Variants in TRIP12 observed in about 807,000 individuals in gnomAD.
TRIP12 encodes the protein E3 ubiquitin-protein ligase TRIP12.
In TRIP12, 25 loss-of-function variants were observed where a neutral mutation model predicts 244.2. The observed-to-expected ratio is 0.10, with a 90% CI of 0.07 to 0.14. The LOEUF (loss-of-function observed/expected upper bound fraction) is 0.14. TRIP12 is among the 10% of genes least tolerant of loss of function. The pLI, the probability that TRIP12 is intolerant of heterozygous loss-of-function variation, is 1.00. For synonymous variants in TRIP12, 905 were observed against 873.1 expected, an observed-to-expected ratio of 1.04 and a Z score of -0.64; for missense variants, 1,677 against 2,486.4, an observed-to-expected ratio of 0.67 and a Z score of 6.92.
intron 5 of TRIP12, among the ~76,000 whole-genome samples, chr2:229,839,298 T>C (rs1045619930): frequency 6.6e-6 from 1 of 152,198 alleles, no homozygotes; most frequent in Non-Finnish European, 1.5e-5. Context: ...CTATACTATC[T>C]AGGTTTGTTT....
At chr2:229,786,880 G>C (rs901126678) in intron 33 of TRIP12, among the ~76,000 whole-genome samples, 2 of 151,986 alleles carry the variant, frequency 1.3e-5, no homozygotes, top group African/African-American at 4.8e-5. Context: ...TAAATCCCTA[G>C]CGGAAAAAAA....
chr2:229,871,541 C>A (rs933722425), intron 2 of TRIP12, among the ~76,000 whole-genome samples: 3 of 152,148 alleles, frequency 2.0e-5, no homozygotes, highest in African/African-American at 7.2e-5. Flanking sequence ...TGCTCCCACT[C>A]TTGCCATGTG....
intron 8 of TRIP12, among the ~76,000 whole-genome samples, chr2:229,823,723 C>T (rs1405992854): frequency 6.6e-6 from 1 of 151,500 alleles, no homozygotes; most frequent in Admixed American, 6.6e-5. Flanking sequence ...AAATAAAGCA[C>T]ATGCCTGTAA....
intron 5 of TRIP12, among the ~76,000 whole-genome samples, chr2:229,837,627 A>C (rs1274189344): frequency 6.6e-6 from 1 of 152,120 alleles, no homozygotes; most frequent in African/African-American, 2.4e-5. Flanking sequence ...GCAACAACAA[A>C]AAAATTATAC....
chr2:229,866,500 G>A (rs1042221026), intron 2 of TRIP12, among the ~76,000 whole-genome samples: 3 of 152,162 alleles, frequency 2.0e-5, no homozygotes, highest in Admixed American at 6.5e-5. Context: ...TAAACTGTGT[G>A]TAGGCAGGTA....
intron 2 of TRIP12, among the ~76,000 whole-genome samples, chr2:229,862,110 G>A (rs935299356): frequency 2.6e-5 from 4 of 152,142 alleles, no homozygotes; most frequent in African/African-American, 9.7e-5. Context: ...AGGCTGGAGT[G>A]CAGCGACACT....
chr2:229,877,551 A>T (rs1560061170), intron 2 of TRIP12, among the ~76,000 whole-genome samples: 1 of 152,196 alleles, frequency 6.6e-6, no homozygotes, highest in African/African-American at 2.4e-5. Context: ...AATTAAAAAA[A>T]ATTTTTTAAT....
intron 6 of TRIP12, among the ~76,000 whole-genome samples, chr2:229,834,496 A>T (rs2054254836): frequency 6.6e-6 from 1 of 152,236 alleles, no homozygotes; most frequent in Non-Finnish European, 1.5e-5. Context: ...GCAGAGGCTC[A>T]CGCCTGTAAT....
chr2:229,917,849 G>A (rs1180249572), intron 1 of TRIP12, among the ~76,000 whole-genome samples: 1 of 152,088 alleles, frequency 6.6e-6, no homozygotes, highest in African/African-American at 2.4e-5. Context: ...ATGCCACCAT[G>A]CCCAGCTAAC....
intron 13 of TRIP12, among the ~76,000 whole-genome samples, chr2:229,812,800 CA>C (rs1559576142): frequency 2.0e-5 from 3 of 151,024 alleles, no homozygotes; most frequent in Non-Finnish European, 4.4e-5. Context: ...GACTCAGTCT[CA>C]AAAACAAAAA....
chr2:229,811,103 T>C (rs777751892), intron 14 of TRIP12, 33 bp downstream of exon 14: 1 of 1,613,538 alleles, frequency 6.2e-7, no homozygotes, highest in South Asian at 1.1e-5. Context: ...TTCAACAACC[T>C]CATAAAAATA....
In TRIP12 at chr2:229,774,164, T is replaced by C. The variant is rs1479786679; in HGVS notation, c.5627A>G (p.Asn1876Ser). 9.9e-6 allele frequency: 16 copies of C among 1,614,050 alleles called. No individual in the cohort carries two copies. The African/African-American group carries it at 1.1e-4, about 11-fold the overall frequency. ...GLDFTLPGFP[N>S]IELKKGGKDI... ...CTTCCCTCCTTTCTTCAGTTCGATATTGGGAAACCCTGGCAGAGTGAAATC... is the reference window on the plus strand; with the variant it reads ...CTTCCCTCCTTTCTTCAGTTCGATACTGGGAAACCCTGGCAGAGTGAAATC... The change falls in exon 38 of 42, where the codon AAT becomes AGT. Residue 1876 changes from asparagine (N) to serine (S), a missense_variant. Physicochemically the swap from Asn to Ser is conservative, Grantham distance 46 (BLOSUM62 1). Transcript: ENST00000675903.
intron 3 of TRIP12, 148 bp from the exon 4 acceptor site, chr2:229,859,722 G>A (rs189145188): frequency 3.5e-5 from 30 of 852,158 alleles, no homozygotes; most frequent in Admixed American, 1.8e-4. Context: ...TCTGTAAAAC[G>A]AAATAAAAGA....
At chr2:229,790,689 A>C (rs1434426890) in intron 30 of TRIP12, among the ~76,000 whole-genome samples, 1 of 152,164 alleles carries the variant, frequency 6.6e-6, no homozygotes, top group Non-Finnish European at 1.5e-5. Flanking sequence ...TTAGAAAGTG[A>C]CGGTTATATT....
At position 229,804,301 on chromosome 2, in the gene TRIP12, T is replaced by C. The variant is rs2045267007; in HGVS notation, c.2651-74A>G. ...CAGAAACACAATAAACAATATAAAA[T>C]ACTCAAGCCAGTGTAATTCTTGAAA... On this transcript the variant is annotated intron_variant, in intron 18 of 41. Transcript: ENST00000675903. 2.2e-5 allele frequency: 28 copies of C among 1,279,526 alleles called. 1 individual carries two copies. The South Asian group carries it at 3.7e-4, about 17-fold the overall frequency. 79.3% of individuals were successfully genotyped at this position (1,279,526 alleles called of 1,614,324 possible). A position where few individuals can be genotyped will look rare whatever the true frequency, so the allele number is the denominator to read the frequency against.
intron 1 of TRIP12, among the ~76,000 whole-genome samples, chr2:229,914,039 G>C (rs907213056): frequency 2.0e-5 from 3 of 152,028 alleles, no homozygotes; most frequent in African/African-American, 7.2e-5. Flanking sequence ...AAGCCGAGGT[G>C]GGTGGATTGC....
At position 229,805,320 on chromosome 2, in the gene TRIP12, T is replaced by A. The variant is rs192887723; in HGVS notation, c.2650+410A>T. ...TGAACTAAATCCCTGAGGGGACAGA[T>A]AAATGTCAGAAACCTGGTTTTGTTT... On this transcript the variant is annotated intron_variant, in intron 18 of 41. Coordinates refer to ENST00000675903, the MANE Select transcript of TRIP12 (RefSeq NM_001348323.3). Among the ~76,000 whole-genome samples the A allele has an allele frequency of 2.0e-5, 3 of 152,326 alleles. No homozygotes were observed. The East Asian group carries it at 5.8e-4, about 29-fold the overall frequency.
chr2:229,870,215 ATTAT>A (rs1436058032), intron 2 of TRIP12, among the ~76,000 whole-genome samples: 3 of 152,236 alleles, frequency 2.0e-5, no homozygotes, highest in Non-Finnish European at 4.4e-5. Flanking sequence ...CATGAAGAAC[ATTAT>A]TTATTGCCAC....
At chr2:229,796,471 C>T (rs912761629) in intron 25 of TRIP12, 120 bp downstream of exon 25, 33 of 788,884 alleles carry the variant, frequency 4.2e-5, no homozygotes, top group Non-Finnish European at 5.7e-5. Flanking sequence ...ATGTGAAAAC[C>T]TAGAAGTTTT....
Sources: allele counts gnomAD v4.1 joint callset (sites outside exome capture counted in the v4.1 genomes callset), GRCh38; gene constraint gnomAD v4.1.1; transcripts MANE v1.5; gene names NCBI Gene and HGNC (gene_info 2026-07-23, HGNC 2026-07-21).